Variants in PDE4D observed in about 807,000 individuals in gnomAD.
PDE4D encodes the protein phosphodiesterase 4D.
In PDE4D, 24 loss-of-function variants were observed where a neutral mutation model predicts 87.4. The observed-to-expected ratio is 0.27, with a 90% CI of 0.20 to 0.39. PDE4D has a LOEUF of 0.39. Ranked by LOEUF, PDE4D falls within the 10% of genes least tolerant of loss-of-function variation. The pLI is 1.00. For synonymous variants in PDE4D, 384 were observed against 383.2 expected (o/e 1.00, Z -0.02); for missense variants, 714 against 1,041.0 (o/e 0.69, Z 4.32).
At chr5:59,495,178 C>T (rs1470084290) in intron 1 of PDE4D, among the ~76,000 whole-genome samples, 1 of 152,182 alleles carries the variant, frequency 6.6e-6, no homozygotes, top group African/African-American at 2.4e-5. Flanking sequence ...TCCTTGACCA[C>T]ACTGAAGTCG....
chr5:60,173,887 C>T (rs1375514293), intron 2 of PDE4D, among the ~76,000 whole-genome samples: 2 of 152,080 alleles, frequency 1.3e-5, no homozygotes, highest in Admixed American at 1.3e-4. Context: ...CAAATACATG[C>T]AGTAACACTT....
rs565052612 is a variant in PDE4D, at chr5:59,859,809, G to C, written c.455+33359C>G. ...AGGTAATCAGGGAAGATGAGCTCCT[G>C]AGTGTGGATATAAGAGCTTATCAGT... On this transcript the variant is annotated intron_variant, in intron 1 of 14. Coordinates refer to ENST00000340635, the MANE Select transcript of PDE4D (RefSeq NM_001104631.2). 2.6e-5 allele frequency among the ~76,000 whole-genome samples: 4 copies of C among 152,304 alleles called. No individual in the cohort carries two copies. In the East Asian group the frequency reaches 7.7e-4, roughly 29 times the overall value.
intron 5 of PDE4D, among the ~76,000 whole-genome samples, chr5:59,151,657 C>A (rs1036459755): frequency 5.3e-5 from 8 of 152,076 alleles, no homozygotes; most frequent in African/African-American, 1.9e-4. Flanking sequence ...GTGGAACATA[C>A]CCTCACTTTG....
At chr5:59,953,015 T>C (rs1366448313) in intron 3 of PDE4D, among the ~76,000 whole-genome samples, 7 of 152,296 alleles carry the variant, frequency 4.6e-5, no homozygotes, top group South Asian at 2.1e-4. Flanking sequence ...AGAAAACTAA[T>C]ACATCCCCTT....
At position 59,121,909 on chromosome 5, in the gene PDE4D, C is replaced by T. The variant is rs1256798137; in HGVS notation, c.808+58686G>A. Among the ~76,000 whole-genome samples the T allele has an allele frequency of 5.9e-5, 9 of 152,006 alleles. No homozygotes were observed. The East Asian group carries it at 1.2e-3, about 20-fold the overall frequency. On this transcript the variant is annotated intron_variant, in intron 5 of 14. Transcript: ENST00000340635. Reference sequence around the variant, plus strand: ...CTGCAATCCCAGCACTTTTGGAGGCCGAGACGGGCGGATCACGTGGTCAGG... The same window carrying T: ...CTGCAATCCCAGCACTTTTGGAGGCTGAGACGGGCGGATCACGTGGTCAGG...
chr5:60,315,989 T>C (rs1755544213), intron 1 of PDE4D, among the ~76,000 whole-genome samples: 1 of 152,204 alleles, frequency 6.6e-6, no homozygotes, highest in African/African-American at 2.4e-5. Flanking sequence ...TGGTTCCATA[T>C]GAACTTTAAA....
At chr5:60,513,150 T>C (rs1750649424) in intron 1 of PDE4D, among the ~76,000 whole-genome samples, 1 of 152,108 alleles carries the variant, frequency 6.6e-6, no homozygotes, top group Non-Finnish European at 1.5e-5. Flanking sequence ...ACATTAAGAT[T>C]TTATTCAAAA....
chr5:60,374,211 A>G (rs1157621459), intron 1 of PDE4D, among the ~76,000 whole-genome samples: 2 of 152,176 alleles, frequency 1.3e-5, no homozygotes, highest in East Asian at 3.8e-4. Flanking sequence ...GAGTGTTGGC[A>G]TCATAATGTT....
chr5:59,668,819 GA>G (rs1471688603), intron 1 of PDE4D, among the ~76,000 whole-genome samples: 4 of 90,826 alleles, frequency 4.4e-5, no homozygotes, highest in East Asian at 3.3e-4. Flanking sequence ...AGAAGAAGAA[GA>G]AGAAGAAGAA....
intron 2 of PDE4D, among the ~76,000 whole-genome samples, chr5:60,012,723 C>T (rs1250824039): frequency 2.0e-5 from 3 of 152,070 alleles, no homozygotes; most frequent in Non-Finnish European, 4.4e-5. Context: ...TGGGAGTCCC[C>T]TTTTTAGGAA....
At chr5:59,477,351 A>G (rs1249579599) in intron 1 of PDE4D, among the ~76,000 whole-genome samples, 4 of 113,046 alleles carry the variant, frequency 3.5e-5, no homozygotes, top group Non-Finnish European at 7.7e-5. Context: ...CTTAGAGTAT[A>G]ATAAAAAAAA....
At chr5:59,714,270 C>G (rs1469599124) in intron 1 of PDE4D, among the ~76,000 whole-genome samples, 1 of 152,206 alleles carries the variant, frequency 6.6e-6, no homozygotes, top group East Asian at 1.9e-4. Flanking sequence ...GTCTCAAGAG[C>G]AGCAATTCCA....
chr5:59,236,272 G>A (rs1756409518), intron 1 of PDE4D, among the ~76,000 whole-genome samples: 1 of 152,182 alleles, frequency 6.6e-6, no homozygotes, highest in Admixed American at 6.5e-5. Flanking sequence ...TGGGAGCCTT[G>A]AGTTTGAGTT....
intron 2 of PDE4D, among the ~76,000 whole-genome samples, chr5:60,108,786 C>T (rs1582699806): frequency 6.6e-6 from 1 of 152,222 alleles, no homozygotes; most frequent in East Asian, 1.9e-4. Flanking sequence ...ATAAATGGTG[C>T]TGGGAAAACT....
At chr5:59,022,141 G>A (rs184256577) in intron 6 of PDE4D, among the ~76,000 whole-genome samples, 1 of 152,144 alleles carries the variant, frequency 6.6e-6, no homozygotes, top group African/African-American at 2.4e-5. Context: ...ACAGCTGACT[G>A]TCTGTTCTTC....
intron 1 of PDE4D, among the ~76,000 whole-genome samples, chr5:60,475,673 T>A (rs963336666): frequency 5.3e-5 from 8 of 152,164 alleles, no homozygotes; most frequent in African/African-American, 1.7e-4. Context: ...AATGTTTCTA[T>A]GTTCTAAGGA....
At chr5:59,226,061 G>A (rs529814485) in intron 1 of PDE4D, among the ~76,000 whole-genome samples, 1 of 151,776 alleles carries the variant, frequency 6.6e-6, no homozygotes, top group African/African-American at 2.4e-5. Flanking sequence ...GGACTGTAAA[G>A]TGATGCCACT....
intron 1 of PDE4D, among the ~76,000 whole-genome samples, chr5:60,474,496 T>C (rs547047355): frequency 6.6e-6 from 1 of 152,206 alleles, no homozygotes; most frequent in South Asian, 2.1e-4. Flanking sequence ...CTCCTTATAC[T>C]GGAAATTTCA....
intron 5 of PDE4D, among the ~76,000 whole-genome samples, chr5:59,063,953 G>T (rs1248299328): frequency 1.3e-5 from 2 of 152,010 alleles, no homozygotes; most frequent in Admixed American, 1.3e-4. Context: ...GCAGTGAGGG[G>T]CTAAGAACCT....
Sources: gnomAD v4.1 joint callset for allele counts (sites outside exome capture counted in the v4.1 genomes callset) on GRCh38, gnomAD v4.1.1 for gene constraint, MANE v1.5 for transcripts, NCBI Gene and HGNC (gene_info 2026-07-23, HGNC 2026-07-21) for gene names.